NHLRC2: variants seen among roughly 807,000 people sequenced by gnomAD.
The protein encoded by NHLRC2 is NHL repeat-containing protein 2.
A neutral mutation model predicts 68.1 loss-of-function variants in NHLRC2; 33 were observed. The ratio of observed to expected loss-of-function variants is 0.48; its 90% confidence interval spans 0.37 to 0.65. NHLRC2 has a LOEUF of 0.65. NHLRC2 is among the 30% of genes least tolerant of loss of function. The probability of loss-of-function intolerance (pLI) is 0.00; values close to 1 mark genes in which losing one functional copy is unlikely to be tolerated. For missense variants in NHLRC2, 761 were observed against 853.8 expected (o/e 0.89, Z 1.35); for synonymous variants, 311 against 309.6 (o/e 1.00, Z -0.05).
At chr10:113,860,469 T>C (rs908478326) in intron 2 of NHLRC2, among the ~76,000 whole-genome samples, 1 of 152,120 alleles carries the variant, frequency 6.6e-6, no homozygotes, top group Non-Finnish European at 1.5e-5. Flanking sequence ...AAGAATTCAC[T>C]GTCAGTTTCA....
intron 3 of NHLRC2, among the ~76,000 whole-genome samples, chr10:113,878,224 G>A (rs1019873355): frequency 1.3e-5 from 2 of 151,876 alleles, no homozygotes; most frequent in South Asian, 2.1e-4. Context: ...TTATGGGGGG[G>A]TATAGTACAC....
intron 5 of NHLRC2, among the ~76,000 whole-genome samples, chr10:113,889,569 G>C (rs1012840448): frequency 2.0e-5 from 3 of 151,754 alleles, no homozygotes; most frequent in Admixed American, 6.6e-5. Flanking sequence ...ATTTTTTTTA[G>C]GTTAATTAGG....
At chr10:113,880,486 C>G (rs757544341) in intron 4 of NHLRC2, among the ~76,000 whole-genome samples, 1 of 151,720 alleles carries the variant, frequency 6.6e-6, no homozygotes, top group Non-Finnish European at 1.5e-5. Flanking sequence ...CTTTAAGTTG[C>G]CATGTGTTTG....
intron 5 of NHLRC2, among the ~76,000 whole-genome samples, chr10:113,895,944 ATATT>A (rs1846172597): frequency 2.0e-5 from 3 of 152,198 alleles, no homozygotes; most frequent in African/African-American, 7.2e-5. Flanking sequence ...CATTTTAAAA[ATATT>A]TGAACCTCCA....
chr10:113,854,888 G>A lies in NHLRC2; in HGVS notation c.16G>A (p.Gly6Ser), dbSNP rs1312242421. The A allele has an allele frequency of 6.5e-7, 1 of 1,546,214 alleles. No individual in the cohort carries two copies. The highest frequency in any genetic ancestry group is 2.0e-5 in the Admixed American group (1 of 50,286). Residue 6 changes from glycine to serine, a missense_variant, in exon 1 of 11, where the codon GGC (glycine) becomes AGC (serine). Coordinates refer to ENST00000369301, the MANE Select transcript of NHLRC2 (RefSeq NM_198514.4). Reference sequence around the variant, plus strand: ...CGGCGGAAACATGGCGGCGCCCGGAGGCCGGGGCCGCAGCCTCTCCGGCCT... The same window carrying A: ...CGGCGGAAACATGGCGGCGCCCGGAAGCCGGGGCCGCAGCCTCTCCGGCCT... MAAPGGRGRSLSGLLP... is the reference protein window; with the variant it reads MAAPGSRGRSLSGLLP...
Position 113,915,473 on chromosome 10 carries a change from G to T in NHLRC2, c.*6937G>T, listed in dbSNP as rs914017933. On this transcript the variant is annotated 3_prime_UTR_variant, in exon 11 of 11. Transcript: ENST00000369301. ...TTTAATGTTGAAAACTTCCAAGTGT[G>T]AATAATACGGACATAGTTTACTACC... 1.5e-5 allele frequency: 5 copies of T among 338,058 alleles called. No homozygotes were observed. Among genetic ancestry groups the T allele is most frequent in the African/African-American group, 1.1e-4 (5 of 46,266 alleles). The allele number at this position is 338,058 out of a possible 1,614,324, so 20.9% of individuals were successfully genotyped here.
intron 5 of NHLRC2, among the ~76,000 whole-genome samples, chr10:113,895,138 C>T (rs1025374440): frequency 2.6e-5 from 4 of 152,186 alleles, no homozygotes; most frequent in Admixed American, 1.3e-4. Flanking sequence ...TACAGGTTCA[C>T]ATCTATAGCA....
chr10:113,875,534 G>A lies in NHLRC2; in HGVS notation c.332-987G>A, dbSNP rs994288370. ...CTCCAAAACTGGAACCCACTCTCAG[G>A]ACAAAGCTAGGAAAAGGATTGGAAA... On this transcript the variant is annotated intron_variant, in intron 2 of 10. Transcript: ENST00000369301. 3.3e-5 allele frequency among the ~76,000 whole-genome samples: 5 copies of A among 152,100 alleles called. No individual in the cohort carries two copies. In the East Asian group the frequency reaches 9.6e-4, roughly 29 times the overall value.
intron 6 of NHLRC2, among the ~76,000 whole-genome samples, chr10:113,900,921 A>G (rs188504829): frequency 3.0e-4 from 46 of 152,190 alleles, no homozygotes; most frequent in African/African-American, 1.0e-3. Flanking sequence ...CCTTCCCTCA[A>G]CACAACACAC....
rs1459777600 is a variant in NHLRC2, at chr10:113,887,713, A to T, written c.1039+3333A>T. Among the ~76,000 whole-genome samples, 3 of 152,316 alleles carry T rather than the reference A, an allele frequency of 2.0e-5. No individual in the cohort carries two copies. In the East Asian group the frequency reaches 5.8e-4, roughly 29 times the overall value. ...CTTGAACCCGGGAGGCGGAGGTTGCAGTGAGCCAAGATCATGCCACTGCAC... is the reference window on the plus strand; with the variant it reads ...CTTGAACCCGGGAGGCGGAGGTTGCTGTGAGCCAAGATCATGCCACTGCAC... On this transcript the variant is annotated intron_variant, in intron 5 of 10. Transcript: ENST00000369301.
intron 3 of NHLRC2, among the ~76,000 whole-genome samples, chr10:113,879,294 T>C (rs895951670): frequency 1.3e-5 from 2 of 152,214 alleles, no homozygotes; most frequent in African/African-American, 4.8e-5. Context: ...GGAGTTATTT[T>C]TAAATCTTTG....
chr10:113,861,242 C>T (rs975120479), intron 2 of NHLRC2, among the ~76,000 whole-genome samples: 4 of 152,070 alleles, frequency 2.6e-5, no homozygotes, highest in Non-Finnish European at 5.9e-5. Context: ...TGCATTTTGG[C>T]AGAGAATATT....
intron 5 of NHLRC2, among the ~76,000 whole-genome samples, chr10:113,889,016 G>T (rs533501547): frequency 6.6e-6 from 1 of 151,962 alleles, no homozygotes; most frequent in East Asian, 1.9e-4. Flanking sequence ...TAGTAGAGAT[G>T]GGGTTTCACC....
intron 2 of NHLRC2, among the ~76,000 whole-genome samples, chr10:113,861,853 T>C (rs532902525): frequency 3.3e-5 from 5 of 152,304 alleles, no homozygotes; most frequent in Non-Finnish European, 7.4e-5. Context: ...GCTAATGTTA[T>C]TGTAACATCA....
chr10:113,855,351 T>G (rs1247853398), intron 1 of NHLRC2, among the ~76,000 whole-genome samples: 1 of 152,234 alleles, frequency 6.6e-6, no homozygotes, highest in Non-Finnish European at 1.5e-5. Flanking sequence ...CCGGTGGCAA[T>G]GATTGCAACG....
intron 2 of NHLRC2, among the ~76,000 whole-genome samples, chr10:113,869,738 T>C (rs1293118839): frequency 6.6e-6 from 1 of 152,190 alleles, no homozygotes; most frequent in African/African-American, 2.4e-5. Flanking sequence ...ATATTACATA[T>C]ATATAATGTA....
intron 4 of NHLRC2, among the ~76,000 whole-genome samples, chr10:113,883,352 A>G (rs1239637236): frequency 6.6e-6 from 1 of 151,896 alleles, no homozygotes; most frequent in East Asian, 1.9e-4. Flanking sequence ...CATGCTTATA[A>G]TCTTAAAGGG....
At chr10:113,886,397 G>A (rs1846082778) in intron 5 of NHLRC2, among the ~76,000 whole-genome samples, 2 of 152,060 alleles carry the variant, frequency 1.3e-5, no homozygotes, top group African/African-American at 4.8e-5. Flanking sequence ...ATCTTAAAAT[G>A]TGTATGGAAC....
chr10:113,906,680 C>A (rs1258068160), intron 10 of NHLRC2, among the ~76,000 whole-genome samples: 3 of 152,068 alleles, frequency 2.0e-5, no homozygotes, highest in Non-Finnish European at 4.4e-5. Flanking sequence ...GTATTATTTT[C>A]TTTGTTTGAT....
Sources: gnomAD v4.1 joint callset for allele counts (sites outside exome capture counted in the v4.1 genomes callset) on GRCh38, gnomAD v4.1.1 for gene constraint, MANE v1.5 for transcripts, NCBI Gene and HGNC (gene_info 2026-07-23, HGNC 2026-07-21) for gene names.